Variants in ADGRV1 observed in about 807,000 individuals in gnomAD.
ADGRV1 encodes the protein G-protein coupled receptor 98.
ADGRV1 carries 359 observed loss-of-function variants against 596.2 expected under a neutral mutation model. The ratio of observed to expected loss-of-function variants is 0.60; its 90% confidence interval spans 0.55 to 0.66. The LOEUF is 0.66. ADGRV1 is among the 30% of genes least tolerant of loss of function. The pLI is 0.00. For missense variants in ADGRV1, 7,274 were observed against 7,575.6 expected (o/e 0.96, Z 1.48); for synonymous variants, 2,681 against 2,679.2 (o/e 1.00, Z -0.02).
intron 89 of ADGRV1, among the ~76,000 whole-genome samples, chr5:91,159,410 A>G (rs927040370): frequency 6.6e-6 from 1 of 152,252 alleles, no homozygotes; most frequent in African/African-American, 2.4e-5. Context: ...AGGCAAGTAT[A>G]TTAAAATTGT....
intron 10 of ADGRV1, among the ~76,000 whole-genome samples, chr5:90,636,878 T>A (rs1163176781): frequency 6.6e-6 from 1 of 152,166 alleles, no homozygotes; most frequent in African/African-American, 2.4e-5. Context: ...AAGAATAGTG[T>A]AATCTAGCAT....
intron 83 of ADGRV1, among the ~76,000 whole-genome samples, chr5:90,939,269 A>C (rs1400279937): frequency 6.6e-6 from 1 of 152,198 alleles, no homozygotes; most frequent in Non-Finnish European, 1.5e-5. Context: ...TTCTCTCATT[A>C]ATTAGGTAGC....
At chr5:90,725,258 G>A in intron 47 of ADGRV1, 26 bp downstream of exon 47, 1 of 1,212,670 alleles carries the variant, frequency 8.2e-7, no homozygotes, top group Non-Finnish European at 1.1e-6. Context: ...TTTTTAAATA[G>A]ATTACTTTCT....
At chr5:91,128,181 G>T (rs1382283087) in intron 87 of ADGRV1, among the ~76,000 whole-genome samples, 1 of 151,084 alleles carries the variant, frequency 6.6e-6, no homozygotes, top group East Asian at 2.0e-4. Context: ...TCTCTCTTGG[G>T]CCCCAATTAC....
At chr5:91,137,585 A>C (rs1264463933) in intron 87 of ADGRV1, among the ~76,000 whole-genome samples, 1 of 152,234 alleles carries the variant, frequency 6.6e-6, no homozygotes, top group Admixed American at 6.5e-5. Context: ...AGAATAGTAT[A>C]CAACATTATT....
At chr5:91,092,945 T>C (rs1247619733) in intron 86 of ADGRV1, among the ~76,000 whole-genome samples, 1 of 152,306 alleles carries the variant, frequency 6.6e-6, no homozygotes, top group African/African-American at 2.4e-5. Flanking sequence ...CTGAGTGCTT[T>C]GTGTGCATGG....
chr5:90,804,239 C>T (rs903436503), intron 71 of ADGRV1, among the ~76,000 whole-genome samples: 1 of 152,024 alleles, frequency 6.6e-6, no homozygotes, highest in Non-Finnish European at 1.5e-5. Flanking sequence ...CTTGTGTCTA[C>T]TAAAAATAGA....
intron 1 of ADGRV1, among the ~76,000 whole-genome samples, chr5:90,607,106 C>G (rs1762195602): frequency 6.6e-6 from 1 of 152,042 alleles, no homozygotes; most frequent in Admixed American, 6.6e-5. Context: ...GAGAAACCTG[C>G]AAGGACAAAA....
intron 43 of ADGRV1, among the ~76,000 whole-genome samples, chr5:90,719,180 A>G (rs910778337): frequency 6.6e-6 from 1 of 151,990 alleles, no homozygotes; most frequent in African/African-American, 2.4e-5. Context: ...AAATACAAAA[A>G]CTAGCTGGGT....
chr5:91,162,424 C>T (rs562288759), intron 89 of ADGRV1, among the ~76,000 whole-genome samples: 2 of 152,182 alleles, frequency 1.3e-5, no homozygotes, highest in South Asian at 4.1e-4. Context: ...ATAAGAACGT[C>T]GTGTGAAAAG....
chr5:90,795,680 T>G (rs935874990), intron 70 of ADGRV1, among the ~76,000 whole-genome samples: 1 of 152,204 alleles, frequency 6.6e-6, no homozygotes. Context: ...AGTGGATCCC[T>G]GACCCCCGTG....
intron 59 of ADGRV1, among the ~76,000 whole-genome samples, chr5:90,765,067 A>G (rs1200502462): frequency 6.6e-6 from 1 of 151,528 alleles, no homozygotes; most frequent in Non-Finnish European, 1.5e-5. Flanking sequence ...ATCTCTGTGG[A>G]CTCTTGCTGC....
chr5:91,060,831 T>C (rs1787365556), intron 85 of ADGRV1, among the ~76,000 whole-genome samples: 1 of 151,034 alleles, frequency 6.6e-6, no homozygotes, highest in African/African-American at 2.4e-5. Context: ...ATGGGGCTAA[T>C]TTCCAGGTCA....
Position 91,087,227 on chromosome 5 carries a change from T to C in ADGRV1, c.18310+14623T>C, listed in dbSNP as rs370032469. Among the ~76,000 whole-genome samples the C allele has an allele frequency of 1.1e-4, 17 of 152,328 alleles. No individual in the cohort carries two copies. In the East Asian group the frequency reaches 2.9e-3, roughly 26 times the overall value. ...AATCTCTCTTATAATACTTATCTCC[T>C]ACCTTTTCTTATAGGGTATATACAA... On this transcript the variant is annotated intron_variant, in intron 86 of 89. Transcript: ENST00000405460.
rs373560415 is a variant in ADGRV1, at chr5:90,687,953, T to G, written c.6491-1908T>G. ...TGCTCATGGGTAGGAAGAATCAATA[T>G]CGTGAAAATGGCCATACTGCTCAAG... On this transcript the variant is annotated intron_variant, in intron 29 of 89. Coordinates refer to ENST00000405460, the MANE Select transcript of ADGRV1 (RefSeq NM_032119.4). Among the ~76,000 whole-genome samples the G allele has an allele frequency of 7.2e-5, 11 of 152,176 alleles. No homozygotes were observed. The East Asian group carries it at 7.7e-4, about 11-fold the overall frequency.
chr5:90,810,019 G>C (rs1762290321), intron 73 of ADGRV1, among the ~76,000 whole-genome samples: 2 of 152,168 alleles, frequency 1.3e-5, no homozygotes, highest in South Asian at 2.1e-4. Flanking sequence ...GCTCAGACTT[G>C]TTAGTTCCTG....
At chr5:91,081,628 A>T (rs1789391937) in intron 86 of ADGRV1, among the ~76,000 whole-genome samples, 1 of 152,086 alleles carries the variant, frequency 6.6e-6, no homozygotes, top group Non-Finnish European at 1.5e-5. Context: ...TCTACAAAAA[A>T]TACAAAAATT....
chr5:90,918,759 T>G (rs1773608444), intron 83 of ADGRV1, among the ~76,000 whole-genome samples: 2 of 152,222 alleles, frequency 1.3e-5, no homozygotes, highest in South Asian at 4.1e-4. Context: ...CAATGATTAT[T>G]TAAACCATTA....
intron 83 of ADGRV1, among the ~76,000 whole-genome samples, chr5:90,876,446 G>A (rs1769228591): frequency 6.6e-6 from 1 of 152,084 alleles, no homozygotes; most frequent in African/African-American, 2.4e-5. Flanking sequence ...TTCACAGGAG[G>A]ACAAAGGCTG....
Sources: gnomAD v4.1 joint callset for allele counts (sites outside exome capture counted in the v4.1 genomes callset) on GRCh38, gnomAD v4.1.1 for gene constraint, MANE v1.5 for transcripts, NCBI Gene and HGNC (gene_info 2026-07-23, HGNC 2026-07-21) for gene names.